FAM227B: variants seen among roughly 807,000 people sequenced by gnomAD.
The protein encoded by FAM227B is protein FAM227B.
FAM227B carries 88 observed loss-of-function variants against 73.8 expected under a neutral mutation model. The ratio of observed to expected loss-of-function variants is 1.19; its 90% CI spans 1.00 to 1.42. The LOEUF (loss-of-function observed/expected upper bound fraction) is 1.42, where lower values mean the gene tolerates loss of function less well. Ranked by LOEUF, FAM227B falls within the 40% of genes most tolerant of loss-of-function variation. The probability of loss-of-function intolerance (pLI) is 0.00; values close to 1 mark genes in which losing one functional copy is unlikely to be tolerated. For missense variants in FAM227B, 632 were observed against 590.9 expected, an observed-to-expected ratio of 1.07 and a Z score of -0.72; for synonymous variants, 210 against 190.5, an observed-to-expected ratio of 1.10 and a Z score of -0.84.
At chr15:49,476,322 A>G (rs1235792546) in intron 11 of FAM227B, among the ~76,000 whole-genome samples, 3 of 149,136 alleles carry the variant, frequency 2.0e-5, no homozygotes, top group African/African-American at 7.4e-5. Flanking sequence ...GAATTTTTGT[A>G]TATATTTATT....
chr15:49,489,671 C>G (rs555321502), intron 11 of FAM227B, among the ~76,000 whole-genome samples: 18 of 149,610 alleles, frequency 1.2e-4, no homozygotes, highest in African/African-American at 3.7e-4. Context: ...TTACCCAAGA[C>G]CATCTGAGAA....
chr15:49,571,409 A>G (rs1911614), intron 8 of FAM227B, among the ~76,000 whole-genome samples: 49,741 of 151,634 alleles, frequency 0.33, 8,927 homozygotes, highest in African/African-American at 0.46. Flanking sequence ...ATTTGGCTTC[A>G]TACTCAAAAA....
At chr15:49,604,539 T>C (rs993860372) in intron 3 of FAM227B, among the ~76,000 whole-genome samples, 1 of 152,216 alleles carries the variant, frequency 6.6e-6, no homozygotes, top group Non-Finnish European at 1.5e-5. Context: ...CTTCTTTGTC[T>C]TAATCTATCT....
chr15:49,484,098 TGTG>T (rs1453955807), intron 11 of FAM227B, among the ~76,000 whole-genome samples: 1 of 152,060 alleles, frequency 6.6e-6, no homozygotes. Flanking sequence ...CTGTGTATTA[TGTG>T]GTGTTTTTAT....
intron 12 of FAM227B, among the ~76,000 whole-genome samples, chr15:49,369,001 C>T (rs1022558823): frequency 6.6e-6 from 1 of 152,148 alleles, no homozygotes; most frequent in Non-Finnish European, 1.5e-5. Flanking sequence ...GACGGAGTCT[C>T]GCTCTGGAGT....
intron 3 of FAM227B, among the ~76,000 whole-genome samples, chr15:49,591,473 G>A (rs966856151): frequency 7.7e-6 from 1 of 129,268 alleles, no homozygotes; most frequent in Non-Finnish European, 1.6e-5. Flanking sequence ...ACTGCACCTG[G>A]CCCTTCCTTC....
intron 9 of FAM227B, among the ~76,000 whole-genome samples, chr15:49,560,279 A>G (rs1446438758): frequency 1.3e-5 from 2 of 152,168 alleles, no homozygotes; most frequent in African/African-American, 4.8e-5. Context: ...AAAAATTTTC[A>G]GAGCTTGAAG....
chr15:49,577,784 C>T (rs1176083101), intron 5 of FAM227B, 120 bp from the exon 6 acceptor site: 3 of 536,896 alleles, frequency 5.6e-6, no homozygotes, highest in Non-Finnish European at 9.8e-6. Context: ...ATATATCCTA[C>T]AGAGGCCTAA....
chr15:49,511,919 G>A (rs1349353265), intron 10 of FAM227B, among the ~76,000 whole-genome samples: 2 of 152,106 alleles, frequency 1.3e-5, no homozygotes, highest in Non-Finnish European at 2.9e-5. Context: ...GAACACACAT[G>A]TACATGTCTT....
intron 15 of FAM227B, chr15:49,329,309 A>C: frequency 1.0e-6 from 1 of 985,472 alleles, no homozygotes; most frequent in Non-Finnish European, 1.2e-6. Flanking sequence ...TGGATGGACT[A>C]TAGGAAGCAC....
In FAM227B at chr15:49,615,957, A is replaced by G. The variant is rs140969223; in HGVS notation, c.-72-714T>C. Among the ~76,000 whole-genome samples the G allele has an allele frequency of 2.8e-4, 42 of 152,288 alleles. No homozygotes were observed. In the East Asian group the frequency reaches 7.9e-3, roughly 29 times the overall value. On this transcript the variant is annotated intron_variant, in intron 1 of 15. Coordinates refer to ENST00000299338, the MANE Select transcript of FAM227B (RefSeq NM_152647.3). ...ATGGTCTCAAAAAAAATGAGTTGGG[A>G]AATGCCTCTATTTTTTTCTATTATC...
At chr15:49,429,481 C>T (rs1205828812) in intron 11 of FAM227B, among the ~76,000 whole-genome samples, 1 of 151,950 alleles carries the variant, frequency 6.6e-6, no homozygotes, top group Non-Finnish European at 1.5e-5. Flanking sequence ...AAATCCTCAT[C>T]TAGACTGACC....
chr15:49,584,906 C>A (rs1358995967), intron 5 of FAM227B, among the ~76,000 whole-genome samples: 1 of 152,058 alleles, frequency 6.6e-6, no homozygotes, highest in Admixed American at 6.6e-5. Flanking sequence ...GAACAGGCAA[C>A]CTACAGAATG....
At chr15:49,372,715 G>C (rs138787676) in intron 11 of FAM227B, among the ~76,000 whole-genome samples, 1 of 152,094 alleles carries the variant, frequency 6.6e-6, no homozygotes, top group South Asian at 2.1e-4. Flanking sequence ...CTTAACATCT[G>C]AGAAAAAAGG....
intron 11 of FAM227B, among the ~76,000 whole-genome samples, chr15:49,503,217 G>C (rs2058293509): frequency 6.6e-6 from 1 of 152,152 alleles, no homozygotes; most frequent in Admixed American, 6.5e-5. Flanking sequence ...AAACTGGCTA[G>C]CCATATGTAG....
At chr15:49,505,000 A>T (rs1734176439) in intron 11 of FAM227B, among the ~76,000 whole-genome samples, 1 of 152,244 alleles carries the variant, frequency 6.6e-6, no homozygotes, top group African/African-American at 2.4e-5. Context: ...CAATACAAAT[A>T]GCCACCAAAA....
chr15:49,437,494 G>A (rs534099628), intron 11 of FAM227B, among the ~76,000 whole-genome samples: 1 of 151,740 alleles, frequency 6.6e-6, no homozygotes, highest in Non-Finnish European at 1.5e-5. Flanking sequence ...TCCAAAGATA[G>A]TATATCTGGA....
At chr15:49,516,764 T>C (rs1287193026) in intron 10 of FAM227B, among the ~76,000 whole-genome samples, 2 of 152,070 alleles carry the variant, frequency 1.3e-5, no homozygotes, top group Non-Finnish European at 2.9e-5. Context: ...TATGTCTTGT[T>C]ATATGGTGAA....
chr15:49,559,321 G>C (rs2074041372), intron 9 of FAM227B, among the ~76,000 whole-genome samples: 1 of 152,066 alleles, frequency 6.6e-6, no homozygotes, highest in Non-Finnish European at 1.5e-5. Flanking sequence ...AAAGCAAGGG[G>C]CTCCAGCTGT....
Sources: allele counts gnomAD v4.1 joint callset (sites outside exome capture counted in the v4.1 genomes callset), GRCh38; gene constraint gnomAD v4.1.1; transcripts MANE v1.5; gene names NCBI Gene and HGNC (gene_info 2026-07-23, HGNC 2026-07-21).